Variants in HSD17B4 observed in about 807,000 individuals in gnomAD.
HSD17B4 encodes the protein peroxisomal multifunctional enzyme type 2.
Under a neutral mutation model 101.0 loss-of-function variants are expected in HSD17B4, and 70 were observed. The observed-to-expected ratio is 0.69, with a 90% CI of 0.57 to 0.85. HSD17B4 has a LOEUF of 0.85. HSD17B4 is among the 40% of genes least tolerant of loss of function. The pLI is 0.00. For synonymous variants in HSD17B4, 347 were observed against 297.1 expected, an observed-to-expected ratio of 1.17 and a Z score of -1.73; for missense variants, 984 against 892.4, an observed-to-expected ratio of 1.10 and a Z score of -1.31.
intron 2 of HSD17B4, among the ~76,000 whole-genome samples, chr5:119,459,514 C>T (rs1754998741): frequency 6.6e-6 from 1 of 152,184 alleles, no homozygotes; most frequent in Non-Finnish European, 1.5e-5. Context: ...GTGTCTTAGT[C>T]TGTTTTCTGT....
At chr5:119,538,017 C>T (rs576393143) in intron 23 of HSD17B4, among the ~76,000 whole-genome samples, 34 of 152,218 alleles carry the variant, frequency 2.2e-4, no homozygotes, top group Non-Finnish European at 2.9e-4. Flanking sequence ...GCCTGCCGTG[C>T]GAGGAACTTG....
At chr5:119,455,516 CA>C (rs199923596) in intron 1 of HSD17B4, among the ~76,000 whole-genome samples, 1 of 143,016 alleles carries the variant, frequency 7.0e-6, no homozygotes, top group Non-Finnish European at 1.5e-5. Context: ...GACTGGATCT[CA>C]AAAAAAAAGA....
chr5:119,457,534 C>T (rs1276546397), intron 2 of HSD17B4, among the ~76,000 whole-genome samples: 1 of 152,188 alleles, frequency 6.6e-6, no homozygotes. Context: ...TCTGCTTCTT[C>T]TGGCAGGGAT....
intron 8 of HSD17B4, among the ~76,000 whole-genome samples, chr5:119,481,976 A>G (rs1749181837): frequency 6.6e-6 from 1 of 151,894 alleles, no homozygotes; most frequent in African/African-American, 2.4e-5. Context: ...CAGTTTGCGT[A>G]TGATGTATTT....
intron 22 of HSD17B4, among the ~76,000 whole-genome samples, chr5:119,532,893 GA>G (rs1754236982): frequency 1.3e-5 from 2 of 152,194 alleles, no homozygotes; most frequent in African/African-American, 4.8e-5. Flanking sequence ...CACTGGTGGT[GA>G]AGTGTGACTT....
chr5:119,481,297 G>C (rs1056062573), intron 8 of HSD17B4, among the ~76,000 whole-genome samples: 1 of 152,080 alleles, frequency 6.6e-6, no homozygotes, highest in Admixed American at 6.6e-5. Flanking sequence ...CACAATTCAC[G>C]TTCTTCTGCC....
At chr5:119,525,182 C>T in intron 17 of HSD17B4, 34 bp from the exon 18 acceptor site, 1 of 1,479,190 alleles carries the variant, frequency 6.8e-7, no homozygotes, top group Non-Finnish European at 9.4e-7. Context: ...TAACAAAACA[C>T]TGAGTTCTAG....
chr5:119,471,946 A>G (rs1756415490), intron 2 of HSD17B4, among the ~76,000 whole-genome samples: 4 of 152,198 alleles, frequency 2.6e-5, no homozygotes, highest in Non-Finnish European at 1.5e-5. Flanking sequence ...CACCATTCTT[A>G]TACATTTGTG....
intron 2 of HSD17B4, among the ~76,000 whole-genome samples, chr5:119,461,895 A>G (rs2126635285): frequency 6.6e-6 from 1 of 152,220 alleles, no homozygotes; most frequent in Middle Eastern, 3.4e-3. Flanking sequence ...AAAAAACGAA[A>G]AGGATTTCCC....
intron 7 of HSD17B4, 56 bp from the exon 8 acceptor site, chr5:119,478,778 T>TG (rs1299754938): frequency 8.3e-6 from 12 of 1,443,118 alleles, no homozygotes; most frequent in Non-Finnish European, 1.2e-5. Flanking sequence ...GAGTTAGAGT[T>TG]GCAATGTTAT....
chr5:119,455,861 C>G (rs1233619132), intron 1 of HSD17B4, among the ~76,000 whole-genome samples: 2 of 152,056 alleles, frequency 1.3e-5, no homozygotes, highest in East Asian at 3.9e-4. Flanking sequence ...CACTAGGGAC[C>G]TGAAGTATGG....
intron 11 of HSD17B4, among the ~76,000 whole-genome samples, chr5:119,495,976 C>A (rs1242528179): frequency 6.6e-6 from 1 of 152,110 alleles, no homozygotes; most frequent in Non-Finnish European, 1.5e-5. Flanking sequence ...GCCCCATGAG[C>A]CTCCTTTATT....
chr5:119,538,018 G>C (rs1481572374), intron 23 of HSD17B4, among the ~76,000 whole-genome samples: 4 of 152,126 alleles, frequency 2.6e-5, no homozygotes, highest in Non-Finnish European at 4.4e-5. Context: ...CCTGCCGTGC[G>C]AGGAACTTGG....
In HSD17B4 at chr5:119,499,525, T is replaced by C. The variant is rs371801135; in HGVS notation, c.1181T>C (p.Ile394Thr). The C allele has an allele frequency of 9.3e-6, 15 of 1,612,520 alleles. No individual in the cohort carries two copies. In the Middle Eastern group the frequency reaches 5.0e-4, roughly 53 times the overall value. Reference protein sequence around the residue: ...KSMMGGGLAEIPGLSINFAKV... With the variant: ...KSMMGGGLAETPGLSINFAKV... ...ATGATGGGTGGAGGATTAGCAGAAA[T>C]TCCTGGACTTTCAATCAACTTTGCA... is the stretch of plus-strand genomic sequence containing the variant. Residue 394 changes from isoleucine (I) to threonine (T), a missense_variant, in exon 13 of 24, where the codon ATT becomes ACT. Ile to Thr is a moderately conservative substitution (Grantham distance 89). Coordinates refer to ENST00000510025, the MANE Select transcript of HSD17B4 (RefSeq NM_000414.4).
chr5:119,519,427 A>G (rs1043093600), intron 17 of HSD17B4, among the ~76,000 whole-genome samples: 2 of 152,222 alleles, frequency 1.3e-5, no homozygotes, highest in Admixed American at 6.5e-5. Flanking sequence ...GTCATCTTGA[A>G]CTGAAAACAG....
At chr5:119,533,781 C>G (rs937541811) in intron 22 of HSD17B4, among the ~76,000 whole-genome samples, 2 of 152,072 alleles carry the variant, frequency 1.3e-5, no homozygotes, top group Non-Finnish European at 1.5e-5. Flanking sequence ...GCTTCATTCA[C>G]CACCTTGCTT....
intron 17 of HSD17B4, 67 bp downstream of exon 17, chr5:119,515,113 G>A: frequency 7.0e-6 from 6 of 853,946 alleles, no homozygotes; most frequent in Non-Finnish European, 1.2e-5. Flanking sequence ...TTATAGCTCT[G>A]ATACCTTATA....
At position 119,499,341 on chromosome 5, in the gene HSD17B4, C is replaced by T; in HGVS notation, c.997C>T (p.Pro333Ser). ...GFAGAIGQKL[P>S]PFSYAYTELE... ...GGCTGGAGCTATTGGCCAGAAACTC[C>T]CTCCATTTTCTTATGCTTATACGGA... Residue 333 changes from proline (P) to serine (S), a missense_variant, in exon 13 of 24, where the codon CCT becomes TCT. Transcript: ENST00000510025. The T allele has an allele frequency of 6.2e-7, 1 of 1,613,204 alleles. No homozygotes were observed.
chr5:119,452,541 G>C lies in HSD17B4; in HGVS notation c.-35G>C. 3 of 1,613,758 alleles carry C rather than the reference G, an allele frequency of 1.9e-6. No individual in the cohort carries two copies. The highest frequency in any genetic ancestry group is 2.5e-6 in the Non-Finnish European group (3 of 1,179,996). The stretch of plus-strand genomic sequence containing the variant: ...CCCGCAGTCGGCGTCCAGCGGCTCT[G>C]CTTGTTCGTGTGTGTGTCGTTGCAG... On this transcript the variant is annotated 5_prime_UTR_variant, in exon 1 of 24. Transcript: ENST00000510025.
Sources: gnomAD v4.1 joint callset for allele counts (sites outside exome capture counted in the v4.1 genomes callset) on GRCh38, gnomAD v4.1.1 for gene constraint, MANE v1.5 for transcripts, NCBI Gene and HGNC (gene_info 2026-07-23, HGNC 2026-07-21) for gene names.